Variants in DHRS7B observed in about 807,000 individuals in gnomAD.
The protein encoded by DHRS7B is peroxisomal reductase activating PPAR-gamma.
In DHRS7B, 24 loss-of-function variants were observed where a neutral mutation model predicts 26.4. The ratio of observed to expected loss-of-function variants is 0.91; its 90% CI spans 0.66 to 1.28. The LOEUF (loss-of-function observed/expected upper bound fraction) is 1.28, where lower values mean the gene tolerates loss of function less well. Ranked by LOEUF, DHRS7B falls within the 50% of genes most tolerant of loss-of-function variation. DHRS7B has a pLI of 0.00. For missense variants in DHRS7B, 368 were observed against 419.4 expected, an observed-to-expected ratio of 0.88 and a Z score of 1.07; for synonymous variants, 142 against 166.4, an observed-to-expected ratio of 0.85 and a Z score of 1.13.
chr17:21,143,783 T>A (rs1973580932), intron 1 of DHRS7B, among the ~76,000 whole-genome samples: 1 of 152,250 alleles, frequency 6.6e-6, no homozygotes, highest in Admixed American at 6.5e-5. Flanking sequence ...GACTGCTGAC[T>A]CTTCGGGGTA....
intron 1 of DHRS7B, among the ~76,000 whole-genome samples, chr17:21,160,072 T>C (rs1973967675): frequency 6.6e-6 from 1 of 151,596 alleles, no homozygotes; most frequent in East Asian, 1.9e-4. Flanking sequence ...ATACAAAAAT[T>C]AGGCCTGGCG....
chr17:21,177,019 T>C (rs1364132147), intron 2 of DHRS7B, among the ~76,000 whole-genome samples: 1 of 152,076 alleles, frequency 6.6e-6, no homozygotes, highest in East Asian at 1.9e-4. Flanking sequence ...TTCTGACTCC[T>C]CATAGAGTAG....
At chr17:21,160,631 A>C (rs1973981052) in intron 1 of DHRS7B, among the ~76,000 whole-genome samples, 1 of 152,198 alleles carries the variant, frequency 6.6e-6, no homozygotes, top group Non-Finnish European at 1.5e-5. Context: ...TGGGAATGCA[A>C]AATGCTATAC....
intron 5 of DHRS7B, among the ~76,000 whole-genome samples, chr17:21,185,544 CTGTT>C (rs1974611820): frequency 6.6e-6 from 1 of 152,256 alleles, no homozygotes; most frequent in East Asian, 1.9e-4. Flanking sequence ...CATGATTTCC[CTGTT>C]TGTTAATATT....
At chr17:21,139,532 G>A (rs568092856) in intron 1 of DHRS7B, among the ~76,000 whole-genome samples, 62 of 152,128 alleles carry the variant, frequency 4.1e-4, no homozygotes, top group African/African-American at 1.4e-3. Context: ...AAATTAGCTG[G>A]GCGTGGTGGC....
chr17:21,172,909 C>T lies in DHRS7B; in HGVS notation c.199+713C>T, dbSNP rs535320612. Reference sequence around the variant, plus strand: ...CTGAGTTACAGGGCTCCATTGTTTTCCTGCCACACACGTATATTGACTTGG... The same window carrying T: ...CTGAGTTACAGGGCTCCATTGTTTTTCTGCCACACACGTATATTGACTTGG... On this transcript the variant is annotated intron_variant, in intron 2 of 6. Coordinates refer to ENST00000395511, the MANE Select transcript of DHRS7B (RefSeq NM_015510.5). 5.6e-4 allele frequency among the ~76,000 whole-genome samples: 85 copies of T among 152,372 alleles called. 1 individual carries two copies. In the South Asian group the frequency reaches 0.015, roughly 27 times the overall value.
chr17:21,172,242 C>T (rs1246793831), intron 2 of DHRS7B, 46 bp downstream of exon 2: 2 of 1,571,792 alleles, frequency 1.3e-6, no homozygotes, highest in East Asian at 2.3e-5. Context: ...GTAAGTCAGC[C>T]AGGGATGAGG....
At chr17:21,149,377 A>G (rs901974318) in intron 1 of DHRS7B, among the ~76,000 whole-genome samples, 12 of 152,350 alleles carry the variant, frequency 7.9e-5, no homozygotes, top group African/African-American at 2.9e-4. Context: ...CTTCAAACAG[A>G]AAGAAAACAC....
intron 1 of DHRS7B, among the ~76,000 whole-genome samples, chr17:21,162,527 G>A (rs529008043): frequency 8.5e-4 from 130 of 152,136 alleles, no homozygotes; most frequent in Non-Finnish European, 1.7e-3. Context: ...AGATGGTGTG[G>A]GAGTCAGAAT....
intron 2 of DHRS7B, among the ~76,000 whole-genome samples, chr17:21,175,101 C>T (rs1210222943): frequency 1.3e-5 from 2 of 152,156 alleles, no homozygotes; most frequent in Non-Finnish European, 2.9e-5. Flanking sequence ...CGAAGACTGT[C>T]GGGTGTATGG....
intron 1 of DHRS7B, among the ~76,000 whole-genome samples, chr17:21,145,601 G>A (rs1277640115): frequency 2.0e-5 from 3 of 152,186 alleles, no homozygotes; most frequent in Admixed American, 6.5e-5. Context: ...CCCAACTTAT[G>A]ATGGTTCTAC....
At position 21,188,718 on chromosome 17, in the gene DHRS7B, C is replaced by T. The variant is rs2144246673; in HGVS notation, c.627C>T (p.Ala209=). The part of the protein sequence containing the change: ...MSIPFRSAYA[A]SKHATQAFFD... ...CTCCGTCCACATGTGTAGATGCAGC[C>T]TCCAAGCACGCAACCCAGGCTTTCT... The change falls in exon 6 of 7, where the codon GCC becomes GCT. Residue 209 remains alanine, a synonymous_variant. Coordinates refer to ENST00000395511, the MANE Select transcript of DHRS7B (RefSeq NM_015510.5). The T allele has an allele frequency of 6.3e-7, 1 of 1,594,538 alleles. No individual in the cohort carries two copies. Among genetic ancestry groups the T allele is most frequent in the East Asian group, 2.2e-5 (1 of 44,600 alleles).
At chr17:21,179,585 G>A (rs1974466305) in intron 3 of DHRS7B, among the ~76,000 whole-genome samples, 1 of 152,012 alleles carries the variant, frequency 6.6e-6, no homozygotes, top group Admixed American at 6.5e-5. Flanking sequence ...GGGTGACAGA[G>A]CGAGACTCTG....
chr17:21,167,595 G>A (rs2144092237), intron 1 of DHRS7B, among the ~76,000 whole-genome samples: 1 of 152,136 alleles, frequency 6.6e-6, no homozygotes, highest in East Asian at 1.9e-4. Context: ...TCTATTTGAG[G>A]GGCTCTCACC....
Position 21,157,956 on chromosome 17 carries a change from T to A in DHRS7B, c.21-14062T>A, listed in dbSNP as rs575241044. ...TGAGACCCTGTCTGAAAAAAAAAAATAATAATAATCCATCACATCAACAAA... is the reference window on the plus strand; with the variant it reads ...TGAGACCCTGTCTGAAAAAAAAAAAAAATAATAATCCATCACATCAACAAA... On this transcript the variant is annotated intron_variant, in intron 1 of 6. Coordinates refer to ENST00000395511, the MANE Select transcript of DHRS7B (RefSeq NM_015510.5). 2.8e-3 allele frequency among the ~76,000 whole-genome samples: 422 copies of A among 150,724 alleles called. 5 individuals are homozygous for A. The highest frequency in any genetic ancestry group is 9.0e-3 in the African/African-American group (370 of 41,102).
Position 21,184,478 on chromosome 17 carries a change from C to T in DHRS7B, c.619+15C>T. 1.2e-6 allele frequency: 2 copies of T among 1,605,876 alleles called. No individual in the cohort carries two copies. Among genetic ancestry groups the T allele is most frequent in the South Asian group, 1.1e-5 (1 of 89,812 alleles). On this transcript the variant is annotated intron_variant, in intron 5 of 6. Transcript: ENST00000395511. The stretch of plus-strand genomic sequence containing the variant: ...TCGATCAGCATGTGAGTACTTCTCT[C>T]TCCCACAAAATGCTTGGCTTTATTG...
chr17:21,153,423 A>T (rs771736791), intron 1 of DHRS7B, among the ~76,000 whole-genome samples: 22 of 152,230 alleles, frequency 1.4e-4, no homozygotes, highest in Non-Finnish European at 2.8e-4. Flanking sequence ...AAGATGTAAC[A>T]TACACATAAT....
chr17:21,150,120 A>C (rs1427576300), intron 1 of DHRS7B, among the ~76,000 whole-genome samples: 39 of 149,838 alleles, frequency 2.6e-4, no homozygotes, highest in African/African-American at 2.7e-4. Flanking sequence ...AAAAAAAAAA[A>C]AAAAAAAAAA....
intron 1 of DHRS7B, among the ~76,000 whole-genome samples, chr17:21,169,382 G>T (rs1195763887): frequency 6.6e-6 from 1 of 152,170 alleles, no homozygotes; most frequent in African/African-American, 2.4e-5. Context: ...TGGTCATTAT[G>T]ATGCTGGTGG....
Sources: allele counts gnomAD v4.1 joint callset (sites outside exome capture counted in the v4.1 genomes callset), GRCh38; gene constraint gnomAD v4.1.1; transcripts MANE v1.5; gene names NCBI Gene and HGNC (gene_info 2026-07-23, HGNC 2026-07-21).